Variants in GANC observed in about 807,000 individuals in gnomAD.
The protein encoded by GANC is neutral alpha-glucosidase C.
A neutral mutation model predicts 124.2 loss-of-function variants in GANC; 117 were observed. The ratio of observed to expected loss-of-function variants is 0.94; its 90% CI spans 0.81 to 1.10. The LOEUF (loss-of-function observed/expected upper bound fraction) is 1.10, where lower values mean the gene tolerates loss of function less well. GANC is among the 50% of genes least tolerant of loss of function. GANC has a pLI of 0.00. For synonymous variants in GANC, 377 were observed against 376.8 expected, an observed-to-expected ratio of 1.00 and a Z score of -0.01; for missense variants, 1,140 against 1,095.0, an observed-to-expected ratio of 1.04 and a Z score of -0.58.
chr15:42,330,436 A>C (rs2052233135), intron 14 of GANC, 140 bp from the exon 15 acceptor site: 3 of 594,896 alleles, frequency 5.0e-6, no homozygotes, highest in Non-Finnish European at 8.7e-6. Context: ...ATACCATGAA[A>C]ATTATTTGAT....
At chr15:42,329,178 C>A in intron 13 of GANC, 128 bp from the exon 14 acceptor site, 1 of 913,080 alleles carries the variant, frequency 1.1e-6, no homozygotes, top group Non-Finnish European at 1.7e-6. Flanking sequence ...GGAACTTATA[C>A]TCTAGCAGTG....
At chr15:42,307,921 T>C (rs1275242577) in intron 7 of GANC, among the ~76,000 whole-genome samples, 4 of 152,228 alleles carry the variant, frequency 2.6e-5, no homozygotes, top group Non-Finnish European at 5.9e-5. Context: ...TCTAAAACTT[T>C]GTAATGATGT....
At position 42,338,480 on chromosome 15, in the gene GANC, T is replaced by C; in HGVS notation, c.1833T>C (p.Ser611=). The C allele has an allele frequency of 6.2e-7, 1 of 1,611,542 alleles. No individual in the cohort carries two copies. The highest frequency in any genetic ancestry group is 8.5e-7 in the Non-Finnish European group (1 of 1,177,684). The change falls in exon 16 of 24, where the codon TCT becomes TCC. Residue 611 remains serine, a synonymous_variant. Coordinates refer to ENST00000318010, the MANE Select transcript of GANC (RefSeq NM_198141.3). ...TCACTCTCAGCATTACTGGGATCTCTTTTTGCGGAGGTAAGATGAGTCCTT... is the reference window on the plus strand; with the variant it reads ...TCACTCTCAGCATTACTGGGATCTCCTTTTGCGGAGGTAAGATGAGTCCTT... The part of the protein sequence containing the change: ...MLLTLSITGI[S]FCGADIGGFI...
intron 4 of GANC, among the ~76,000 whole-genome samples, chr15:42,291,348 G>A (rs1042063040): frequency 6.6e-6 from 1 of 152,152 alleles, no homozygotes; most frequent in Non-Finnish European, 1.5e-5. Flanking sequence ...ATTATAATCT[G>A]AACTCAGCTA....
In GANC at chr15:42,278,472, G is replaced by T. The variant is rs774380311; in HGVS notation, c.93-10G>T. On this transcript the variant is annotated splice_polypyrimidine_tract_variant and intron_variant, in intron 2 of 23. Transcript: ENST00000318010. ...TAATTATCAAGCATCTGCATACTCCGTATCTATAGGCGTCAGAAACAGTGG... is the reference window on the plus strand; with the variant it reads ...TAATTATCAAGCATCTGCATACTCCTTATCTATAGGCGTCAGAAACAGTGG... 10 of 1,564,940 alleles carry T rather than the reference G, an allele frequency of 6.4e-6. No homozygotes were observed. Among genetic ancestry groups the T allele is most frequent in the Non-Finnish European group, 8.8e-6 (10 of 1,139,818 alleles).
At chr15:42,326,583 A>G (rs1161981911) in intron 12 of GANC, among the ~76,000 whole-genome samples, 159 bp downstream of exon 12, 1 of 152,226 alleles carries the variant, frequency 6.6e-6, no homozygotes, top group Non-Finnish European at 1.5e-5. Flanking sequence ...CTTCTTTTGT[A>G]TCTTTTATAA....
intron 10 of GANC, among the ~76,000 whole-genome samples, chr15:42,313,032 G>A (rs1364739328): frequency 2.0e-5 from 3 of 151,900 alleles, no homozygotes; most frequent in East Asian, 3.9e-4. Flanking sequence ...AAACCCATAC[G>A]CTTATGGCCA....
rs1250550051 is a variant in GANC, at chr15:42,327,440, C to T, written c.1498C>T (p.Gln500Ter). Residue 500 changes from glutamine to a stop codon, truncating the protein, a stop_gained and splice_region_variant, in exon 13 of 24, where the codon CAG becomes TAG. Coordinates refer to ENST00000318010, the MANE Select transcript of GANC (RefSeq NM_198141.3). LOFTEE classifies it high-confidence loss of function. ...AAGTCTTTTTGCTTTCCCTGTTTAT[C>T]AGGTTGGTTTTTATTCCTTTGTTCT... Reference protein sequence around the residue: ...YSSLFAFPVYQGSTDILFLWN... With the variant: ...YSSLFAFPVY 6.2e-7 allele frequency: 1 copy of T among 1,612,396 alleles called. No homozygotes were observed. The highest frequency in any genetic ancestry group is 1.7e-5 in the Admixed American group (1 of 59,930).
rs2052340726 is a variant in GANC at position 42,343,234 on chromosome 15, A to G, written c.2229+80A>G. ...TTTCTTTTAGGAAAGAGATTTCTTCATCATGTGTTTGTGAACACACCCCAG... is the reference window on the plus strand; with the variant it reads ...TTTCTTTTAGGAAAGAGATTTCTTCGTCATGTGTTTGTGAACACACCCCAG... On this transcript the variant is annotated intron_variant, in intron 19 of 23. Coordinates refer to ENST00000318010, the MANE Select transcript of GANC (RefSeq NM_198141.3). 1.0e-5 allele frequency: 13 copies of G among 1,290,100 alleles called. No homozygotes were observed. The East Asian group carries it at 2.6e-4, about 26-fold the overall frequency. The allele number at this position is 1,290,100 out of a possible 1,614,324, so 79.9% of individuals were successfully genotyped here. A position where few individuals can be genotyped will look rare whatever the true frequency, so the allele number is the denominator to read the frequency against.
Position 42,274,462 on chromosome 15 carries a change from G to T in GANC, c.-20G>T. The T allele has an allele frequency of 6.2e-7, 1 of 1,609,656 alleles. No individual in the cohort carries two copies. Among genetic ancestry groups the T allele is most frequent in the Non-Finnish European group, 8.5e-7 (1 of 1,178,156 alleles). On this transcript the variant is annotated 5_prime_UTR_variant, in exon 1 of 24. Coordinates refer to ENST00000318010, the MANE Select transcript of GANC (RefSeq NM_198141.3). ...CCCTTGTCCTGAGAGCTGGGAGCTG[G>T]TCGGAGTGACAGAGAAGCCATGGAA... is the stretch of plus-strand genomic sequence containing the variant.
intron 3 of GANC, among the ~76,000 whole-genome samples, chr15:42,279,151 G>A (rs1033794893): frequency 6.6e-6 from 1 of 152,018 alleles, no homozygotes; most frequent in African/African-American, 2.4e-5. Flanking sequence ...TTTAGTCTTC[G>A]TAACACATCT....
At chr15:42,322,270 G>C (rs2620375) in intron 11 of GANC, among the ~76,000 whole-genome samples, 138,499 of 152,194 alleles carry the variant, frequency 0.91, 64,372 homozygotes, top group Non-Finnish European at 1. Flanking sequence ...AGTTCCGTTT[G>C]TTGTGGCCAC....
chr15:42,327,930 G>C (rs938618258), intron 13 of GANC, among the ~76,000 whole-genome samples: 13 of 152,204 alleles, frequency 8.5e-5, no homozygotes, highest in African/African-American at 3.1e-4. Flanking sequence ...CAGTGTTGAT[G>C]ATGATGATAC....
At chr15:42,275,234 C>T (rs1380657153) in intron 1 of GANC, among the ~76,000 whole-genome samples, 1 of 152,000 alleles carries the variant, frequency 6.6e-6, no homozygotes, top group African/African-American at 2.4e-5. Context: ...GTTAGCCAGA[C>T]GTGGTGATGT....
chr15:42,293,541 T>C (rs1358791241), intron 5 of GANC, among the ~76,000 whole-genome samples: 1 of 151,930 alleles, frequency 6.6e-6, no homozygotes, highest in East Asian at 1.9e-4. Flanking sequence ...TTTTAAAATT[T>C]TGATACTAAA....
chr15:42,330,774 T>C, intron 15 of GANC, 102 bp downstream of exon 15: 1 of 375,582 alleles, frequency 2.7e-6, no homozygotes. Context: ...CTTTTCCTTT[T>C]TTTTTTTTTT....
At chr15:42,347,870 G>A (rs1214743372) in intron 20 of GANC, among the ~76,000 whole-genome samples, 2 of 152,184 alleles carry the variant, frequency 1.3e-5, no homozygotes, top group African/African-American at 4.8e-5. Flanking sequence ...ACAAACCAAT[G>A]AAGGGTGGGA....
At chr15:42,307,086 G>A (rs1300164978) in intron 7 of GANC, among the ~76,000 whole-genome samples, 1 of 152,128 alleles carries the variant, frequency 6.6e-6, no homozygotes, top group East Asian at 1.9e-4. Context: ...AGGGTAGAGG[G>A]GCGAGTTTGT....
chr15:42,297,336 T>C (rs1013918574), intron 5 of GANC, among the ~76,000 whole-genome samples: 1 of 152,190 alleles, frequency 6.6e-6, no homozygotes, highest in African/African-American at 2.4e-5. Flanking sequence ...TAAATTGTTT[T>C]TTATTGTTTA....
Sources: gnomAD v4.1 joint callset for allele counts (sites outside exome capture counted in the v4.1 genomes callset) on GRCh38, gnomAD v4.1.1 for gene constraint, MANE v1.5 for transcripts, NCBI Gene and HGNC (gene_info 2026-07-23, HGNC 2026-07-21) for gene names.